Variants in ARHGAP31 observed in about 807,000 individuals in gnomAD.
ARHGAP31 encodes the protein Rho GTPase activating protein 31.
ARHGAP31 carries 34 observed loss-of-function variants against 113.9 expected under a neutral mutation model. The ratio of observed to expected loss-of-function variants is 0.30; its 90% CI spans 0.23 to 0.40. The LOEUF (loss-of-function observed/expected upper bound fraction) is 0.40. Ranked by LOEUF, ARHGAP31 falls within the 10% of genes least tolerant of loss-of-function variation. The pLI is 1.00. For synonymous variants in ARHGAP31, 650 were observed against 684.8 expected, an observed-to-expected ratio of 0.95 and a Z score of 0.79; for missense variants, 1,548 against 1,767.1, an observed-to-expected ratio of 0.88 and a Z score of 2.22.
intron 8 of ARHGAP31, among the ~76,000 whole-genome samples, chr3:119,394,685 TG>T (rs1168704278): frequency 6.6e-6 from 1 of 152,028 alleles, no homozygotes; most frequent in African/African-American, 2.4e-5. Flanking sequence ...CCGAGCACAG[TG>T]GTTCGTGCCT....
chr3:119,378,846 C>T (rs530643916), intron 3 of ARHGAP31, among the ~76,000 whole-genome samples: 2 of 152,316 alleles, frequency 1.3e-5, no homozygotes, highest in East Asian at 3.9e-4. Context: ...CCATTCTTGC[C>T]CCTACCCTTC....
At chr3:119,306,920 T>C (rs1177168881) in intron 1 of ARHGAP31, among the ~76,000 whole-genome samples, 2 of 152,344 alleles carry the variant, frequency 1.3e-5, no homozygotes, top group South Asian at 2.1e-4. Flanking sequence ...ATTTTTATCT[T>C]TTAAATCAGA....
At chr3:119,406,801 C>A (rs762103562) in intron 10 of ARHGAP31, among the ~76,000 whole-genome samples, 1 of 152,216 alleles carries the variant, frequency 6.6e-6, no homozygotes, top group Non-Finnish European at 1.5e-5. Context: ...GGATAAATGA[C>A]ACACCTTCTC....
intron 1 of ARHGAP31, among the ~76,000 whole-genome samples, chr3:119,313,440 A>G (rs903800852): frequency 2.0e-5 from 3 of 152,264 alleles, no homozygotes; most frequent in African/African-American, 7.2e-5. Flanking sequence ...TATATGAGCC[A>G]CGTATCATTT....
chr3:119,397,229 C>T (rs1460733833), intron 8 of ARHGAP31, among the ~76,000 whole-genome samples: 2 of 152,232 alleles, frequency 1.3e-5, no homozygotes, highest in African/African-American at 4.8e-5. Flanking sequence ...CAAGCCACAT[C>T]TCTGATGTGC....
intron 1 of ARHGAP31, among the ~76,000 whole-genome samples, chr3:119,325,268 A>C (rs988602382): frequency 2.6e-5 from 4 of 152,206 alleles, no homozygotes; most frequent in Non-Finnish European, 5.9e-5. Flanking sequence ...GGAAAGGAAG[A>C]TTTTTAAATT....
intron 1 of ARHGAP31, among the ~76,000 whole-genome samples, chr3:119,353,575 C>T (rs889661486): frequency 2.0e-5 from 3 of 152,072 alleles, no homozygotes; most frequent in Non-Finnish European, 2.9e-5. Flanking sequence ...GAGGCCAAGG[C>T]GGGTGGATCA....
chr3:119,336,996 T>C (rs2079957053), intron 1 of ARHGAP31, among the ~76,000 whole-genome samples: 1 of 152,270 alleles, frequency 6.6e-6, no homozygotes. Flanking sequence ...TTAAGTCCTT[T>C]TTATTACCTA....
chr3:119,416,020 C>T lies in ARHGAP31; in HGVS notation c.4091C>T (p.Ser1364Phe). ...FPIMDHLPPSSTVTDSKVLLS... is the reference protein window; with the variant it reads ...FPIMDHLPPSFTVTDSKVLLS... ...ATTATGGACCACCTGCCCCCTTCAT[C>T]CACAGTGACAGATTCCAAGGTCCTG... is the stretch of plus-strand genomic sequence containing the variant. The change falls in exon 12 of 12, where the codon TCC (serine) becomes TTC (phenylalanine). Residue 1364 changes from serine (S) to phenylalanine (F), a missense_variant. Physicochemically the swap from Ser to Phe is radical, Grantham distance 155. Coordinates refer to ENST00000264245, the MANE Select transcript of ARHGAP31 (RefSeq NM_020754.4). The T allele has an allele frequency of 5.0e-6, 8 of 1,614,210 alleles. No homozygotes were observed. Among genetic ancestry groups the T allele is most frequent in the Non-Finnish European group, 5.9e-6 (7 of 1,180,030 alleles).
chr3:119,352,068 C>T (rs1169302347), intron 1 of ARHGAP31, among the ~76,000 whole-genome samples: 2 of 152,142 alleles, frequency 1.3e-5, no homozygotes, highest in African/African-American at 4.8e-5. Flanking sequence ...AAAGCTTTCT[C>T]CACAGACAGT....
chr3:119,337,108 G>A (rs1170953350), intron 1 of ARHGAP31, among the ~76,000 whole-genome samples: 4 of 152,158 alleles, frequency 2.6e-5, no homozygotes, highest in Non-Finnish European at 4.4e-5. Context: ...ATGGTGCTGT[G>A]TCCAGAATTG....
In ARHGAP31 at chr3:119,382,367, C is replaced by A. The variant is rs2080408539; in HGVS notation, c.507C>A (p.Asn169Lys). 6.2e-7 allele frequency: 1 copy of A among 1,614,038 alleles called. No individual in the cohort carries two copies. Among genetic ancestry groups the A allele is most frequent in the Admixed American group, 1.7e-5 (1 of 59,996 alleles). ...FSSKTNMHAR[N>K]LALVWAPNLL... The stretch of plus-strand genomic sequence containing the variant: ...GCAAGACCAACATGCACGCCCGGAA[C>A]CTGGCCCTGGTGTGGGCGCCAAACC... The change falls in exon 5 of 12, where the codon AAC becomes AAA. Residue 169 changes from asparagine (N) to lysine (K), a missense_variant. Transcript: ENST00000264245.
rs772828070 is a variant in ARHGAP31 at position 119,414,778 on chromosome 3, G to A, written c.2849G>A (p.Arg950His). ...AGGCTTTCCCACAGGCCCAGCCTTC[G>A]CCAGAGCCATTCTCTAGATAGCAAA... ...EKRLSHRPSLRQSHSLDSKPT... is the reference protein window; with the variant it reads ...EKRLSHRPSLHQSHSLDSKPT... The change falls in exon 12 of 12, where the codon CGC becomes CAC. Residue 950 changes from arginine to histidine, a missense_variant. Arg to His is a conservative substitution (Grantham distance 29, BLOSUM62 0). Transcript: ENST00000264245. 18 of 1,614,070 alleles carry A rather than the reference G, an allele frequency of 1.1e-5. No homozygotes were observed. The highest frequency in any genetic ancestry group is 2.7e-5 in the African/African-American group (2 of 74,932).
chr3:119,388,320 A>ATATATATATATATG, intron 6 of ARHGAP31, among the ~76,000 whole-genome samples: 1 of 148,960 alleles, frequency 6.7e-6, no homozygotes, highest in African/African-American at 2.5e-5. Flanking sequence ...ATATATATAT[A>ATATATATATATATG]TATATGTACA....
chr3:119,320,893 C>T (rs932180185), intron 1 of ARHGAP31, among the ~76,000 whole-genome samples: 4 of 152,080 alleles, frequency 2.6e-5, no homozygotes, highest in African/African-American at 7.2e-5. Flanking sequence ...AGGCCTTTCT[C>T]GGGCTGTTCT....
chr3:119,410,681 T>C (rs12495749), intron 11 of ARHGAP31, among the ~76,000 whole-genome samples: 22,099 of 152,264 alleles, frequency 0.15, 2,013 homozygotes, highest in Admixed American at 0.2. Flanking sequence ...GTAAAGTTAG[T>C]GCTGGAAAGA....
rs113645491 is a variant in ARHGAP31, at chr3:119,355,711, G to A, written c.101-9605G>A. Among the ~76,000 whole-genome samples the A allele has an allele frequency of 8.2e-3, 1,244 of 151,998 alleles. 7 individuals carry two copies. The highest frequency in any genetic ancestry group is 0.011 in the Non-Finnish European group (771 of 67,972). On this transcript the variant is annotated intron_variant, in intron 1 of 11. Transcript: ENST00000264245. ...CCAAGTGTTCTCATTGTTCAATTCC[G>A]ACCTATGAATGAGAACATGTGGTGT...
At position 119,393,640 on chromosome 3, in the gene ARHGAP31, CT is replaced by C. The variant is rs764809854; in HGVS notation, c.1006+50del. The C allele has an allele frequency of 1.4e-5, 22 of 1,608,010 alleles. No homozygotes were observed. The East Asian group carries it at 4.7e-4, about 34-fold the overall frequency. On this transcript the variant is annotated intron_variant, in intron 8 of 11. Transcript: ENST00000264245. ...TATGATACAAATATTTGTTTCCTAA[CT>C]CTGCTTATTAAGTCTTTGGTTTGAT...
chr3:119,325,753 G>A (rs2079835963), intron 1 of ARHGAP31, among the ~76,000 whole-genome samples: 1 of 152,206 alleles, frequency 6.6e-6, no homozygotes, highest in African/African-American at 2.4e-5. Flanking sequence ...AGGGAAAGGA[G>A]AGAGGAGCTA....
Sources: gnomAD v4.1 joint callset for allele counts (sites outside exome capture counted in the v4.1 genomes callset) on GRCh38, gnomAD v4.1.1 for gene constraint, MANE v1.5 for transcripts, NCBI Gene and HGNC (gene_info 2026-07-23, HGNC 2026-07-21) for gene names.